The following ADGRD2 variants were observed in gnomAD, a reference collection of about 807,000 sequenced individuals.
The protein encoded by ADGRD2 is G protein-coupled receptor PGR24.
In ADGRD2, 71 loss-of-function variants were observed where a neutral mutation model predicts 44.4. That is an observed-to-expected ratio of 1.60 (90% CI 1.32 to 1.95). The LOEUF is 1.95. ADGRD2 is among the 30% of genes most tolerant of loss of function. ADGRD2 has a pLI of 0.00. For synonymous variants in ADGRD2, 481 were observed against 224.8 expected (o/e 2.14, Z -10.19); for missense variants, 1,039 against 512.4 (o/e 2.03, Z -9.92).
intron 10 of ADGRD2, 88 bp from the exon 14 acceptor site, chr9:124,466,170 G>C (rs1466870258): frequency 2.0e-6 from 1 of 497,962 alleles, no homozygotes; most frequent in Non-Finnish European, 3.7e-6. Context: ...CTGGTTAGAG[G>C]CAGGGCAGTG....
Position 124,470,484 on chromosome 9 carries a change from C to T in ADGRD2, c.2638-10C>T, listed in dbSNP as rs1335254770. ...CCCAACCCCCGTCAGCCCTGCCTGC[C>T]CTCCTACAGGGCCACGGTGAAGCCC... is the stretch of plus-strand genomic sequence containing the variant. On this transcript the variant is annotated splice_polypyrimidine_tract_variant and intron_variant, in intron 16 of 21. Coordinates refer to ENST00000334810, the Ensembl canonical transcript of ADGRD2. 3 of 708,220 alleles carry T rather than the reference C, an allele frequency of 4.2e-6. No individual in the cohort carries two copies. In the Admixed American group the frequency reaches 6.0e-5, roughly 14 times the overall value. The allele number at this position is 708,220 out of a possible 1,614,324, so 43.9% of individuals were successfully genotyped here.
At chr9:124,475,448 G>A (rs1264544660) in exon 18 of ADGRD2, 1 of 713,636 alleles carries the variant, frequency 1.4e-6, no homozygotes, top group South Asian at 1.5e-5. Context: ...GTCCTCAGGG[G>A]CTGTACATCT....
chr9:124,454,500 G>A lies in ADGRD2; in HGVS notation c.1041G>A (p.Leu347=). The change falls in exon 5 of 22, where the codon CTG becomes CTA. Residue 347 remains leucine (L), a synonymous_variant. Coordinates refer to ENST00000334810, the Ensembl canonical transcript of ADGRD2. The surrounding 1 kb of genome is among the most constrained non-coding windows in gnomAD (Gnocchi z 4.5). Reference sequence around the variant, plus strand: ...CCTTTGCAGAGCCCTATCGTCGGCTGCAGGATGCCCAGTCGTGGCCTGGCC... The same window carrying A: ...CCTTTGCAGAGCCCTATCGTCGGCTACAGGATGCCCAGTCGTGGCCTGGCC... 1.4e-6 allele frequency: 1 copy of A among 715,894 alleles called. No individual in the cohort carries two copies. Among genetic ancestry groups the A allele is most frequent in the South Asian group, 1.5e-5 (1 of 67,576 alleles). 44.3% of individuals were successfully genotyped at this position (715,894 alleles called of 1,614,324 possible).
intron 10 of ADGRD2, among the ~76,000 whole-genome samples, chr9:124,462,143 G>A (rs1203686179): frequency 2.6e-5 from 4 of 151,762 alleles, no homozygotes; most frequent in South Asian, 2.1e-4. Flanking sequence ...CTGTAGGTTC[G>A]ACCTCCCTGG....
intron 10 of ADGRD2, among the ~76,000 whole-genome samples, chr9:124,463,995 G>A (rs964475695): frequency 6.6e-6 from 1 of 151,848 alleles, no homozygotes; most frequent in South Asian, 2.1e-4. Flanking sequence ...ATACCACCAC[G>A]CCTGGCTAAT....
chr9:124,471,130 C>G (rs1001878273), intron 17 of ADGRD2, among the ~76,000 whole-genome samples: 7 of 152,148 alleles, frequency 4.6e-5, no homozygotes, highest in Non-Finnish European at 1.0e-4. Flanking sequence ...GGGAGAGGGC[C>G]AACTAGGTCC....
Position 124,467,838 on chromosome 9 carries a change from A to G in ADGRD2, c.2130+14A>G, listed in dbSNP as rs1831857037. On this transcript the variant is annotated intron_variant, in intron 12 of 21. Transcript: ENST00000334810. ...CCTGGTGGCCGGGTGAGGAGAGTTC[A>G]CCACTGTAGCCTGGTGGCCTGGGCC... is the stretch of plus-strand genomic sequence containing the variant. 1.4e-6 allele frequency: 1 copy of G among 717,962 alleles called. No individual in the cohort carries two copies. Among genetic ancestry groups the G allele is most frequent in the African/African-American group, 1.8e-5 (1 of 57,142 alleles). 44.5% of individuals were successfully genotyped at this position (717,962 alleles called of 1,614,324 possible). A position where few individuals can be genotyped will look rare whatever the true frequency, so the allele number is the denominator to read the frequency against.
intron 10 of ADGRD2, among the ~76,000 whole-genome samples, chr9:124,460,112 CA>C (rs1831699326): frequency 6.6e-6 from 1 of 151,098 alleles, no homozygotes; most frequent in African/African-American, 2.4e-5. Flanking sequence ...ACACACACAC[CA>C]ACCACAGCTT....
exon 13 of ADGRD2, chr9:124,468,100 A>G: frequency 1.4e-6 from 1 of 718,526 alleles, no homozygotes; most frequent in Non-Finnish European, 2.6e-6. Flanking sequence ...TCCCCAAGTC[A>G]GAGCGAACCA....
intron 17 of ADGRD2, among the ~76,000 whole-genome samples, 171 bp from the exon 21 acceptor site, chr9:124,475,275 C>CCT (rs1832022630): frequency 6.6e-6 from 1 of 152,242 alleles, no homozygotes; most frequent in Non-Finnish European, 1.5e-5. Flanking sequence ...CACAGCTACT[C>CCT]CTCCGCAGGC....
intron 10 of ADGRD2, among the ~76,000 whole-genome samples, chr9:124,463,986 T>C (rs1263407760): frequency 6.6e-6 from 1 of 152,082 alleles, no homozygotes; most frequent in Non-Finnish European, 1.5e-5. Flanking sequence ...TGCAGGTCCA[T>C]ACCACCACGC....
At chr9:124,459,707 C>T (rs7041203) in intron 10 of ADGRD2, among the ~76,000 whole-genome samples, 94,582 of 151,918 alleles carry the variant, frequency 0.62, 29,510 homozygotes, top group Middle Eastern at 0.71. Context: ...GACAGTATAA[C>T]AGCTATTTAT....
In ADGRD2 at chr9:124,469,354, CTG is replaced by C; in HGVS notation, c.2521+2_2521+3del. The C allele has an allele frequency of 1.4e-6, 1 of 718,420 alleles. No individual in the cohort carries two copies. The highest frequency in any genetic ancestry group is 1.5e-5 in the South Asian group (1 of 67,604). The allele number at this position is 718,420 out of a possible 1,614,324, so 44.5% of individuals were successfully genotyped here. A position where few individuals can be genotyped will look rare whatever the true frequency, so the allele number is the denominator to read the frequency against. On this transcript the variant is annotated splice_donor_variant and coding_sequence_variant, in exon 15 of 22. Coordinates refer to ENST00000334810, the Ensembl canonical transcript of ADGRD2. LOFTEE classifies it high-confidence loss of function. ...GTGGGGCCTGTGCTCTTCGTGCTGA[CTG>C]TGAGCTGGGGACCTGCAGGGGAGGG...
At chr9:124,455,010 T>C (rs1228530388) in exon 6 of ADGRD2, 1 of 718,252 alleles carries the variant, frequency 1.4e-6, no homozygotes, top group Non-Finnish European at 2.6e-6. Flanking sequence ...CCCTCGGGGC[T>C]GGGGACCCAG....
At chr9:124,453,798 C>G in intron 3 of ADGRD2, 122 bp downstream of exon 6, 1 of 612,976 alleles carries the variant, frequency 1.6e-6, no homozygotes, top group South Asian at 1.9e-5. Flanking sequence ...CTCTCCAGGC[C>G]GCAGTGCCTG....
At chr9:124,464,811 CGT>C (rs10635497) in intron 10 of ADGRD2, among the ~76,000 whole-genome samples, 1 of 151,146 alleles carries the variant, frequency 6.6e-6, no homozygotes. Flanking sequence ...TGTGTGTGTA[CGT>C]GTGTGTGTAT....
intron 10 of ADGRD2, among the ~76,000 whole-genome samples, chr9:124,462,164 C>T (rs1234259289): frequency 6.6e-6 from 1 of 151,904 alleles, no homozygotes; most frequent in Non-Finnish European, 1.5e-5. Flanking sequence ...CTCAAGCGAT[C>T]CTCCTCCCAC....
chr9:124,470,262 C>T (rs540062963), intron 16 of ADGRD2, among the ~76,000 whole-genome samples: 1 of 152,316 alleles, frequency 6.6e-6, no homozygotes, highest in East Asian at 1.9e-4. Context: ...GGGGCTGGGA[C>T]CCCATCTCCC....
chr9:124,453,818 G>A, intron 3 of ADGRD2, 142 bp downstream of exon 6: 1 of 608,066 alleles, frequency 1.6e-6, no homozygotes, highest in East Asian at 2.8e-5. Flanking sequence ...GCAAGCTCCA[G>A]CATAAACCTG....
Sources: allele counts gnomAD v4.1 joint callset (sites outside exome capture counted in the v4.1 genomes callset), GRCh38; gene constraint gnomAD v4.1.1; non-coding constraint Gnocchi (gnomAD v3.1); transcripts MANE v1.5; gene names NCBI Gene and HGNC (gene_info 2026-07-23, HGNC 2026-07-21).